Variants in IFT122 observed in about 807,000 individuals in gnomAD.
IFT122 encodes intraflagellar transport protein 122 homolog.
IFT122 carries 118 observed loss-of-function variants against 161.6 expected under a neutral mutation model. The ratio of observed to expected loss-of-function variants is 0.73; its 90% confidence interval spans 0.63 to 0.85. IFT122 has a LOEUF of 0.85. Among genes scored for constraint, IFT122 ranks in the 40% least tolerant of loss-of-function variants. IFT122 has a pLI of 0.00. For missense variants in IFT122, 1,381 were observed against 1,579.6 expected (o/e 0.87, Z 2.13); for synonymous variants, 550 against 602.4 (o/e 0.91, Z 1.27).
At chr3:129,510,670 GGCTC>G (rs2082723130) in intron 23 of IFT122, among the ~76,000 whole-genome samples, 1 of 152,154 alleles carries the variant, frequency 6.6e-6, no homozygotes, top group African/African-American at 2.4e-5. Flanking sequence ...TGGGGCTGAG[GGCTC>G]CTGTCTCTAA....
intron 18 of IFT122, among the ~76,000 whole-genome samples, chr3:129,498,402 C>G (rs1280751223): frequency 6.6e-6 from 1 of 152,226 alleles, no homozygotes; most frequent in African/African-American, 2.4e-5. Context: ...CATAGAGAAT[C>G]CGCGCCATAG....
At chr3:129,516,182 CAG>C (rs1279511729) in intron 26 of IFT122, among the ~76,000 whole-genome samples, 1 of 132,202 alleles carries the variant, frequency 7.6e-6, no homozygotes, top group African/African-American at 3.0e-5. Flanking sequence ...CACACACACA[CAG>C]AAACCGCCCC....
At position 129,478,076 on chromosome 3, in the gene IFT122, T is replaced by C. The variant is rs1281261819; in HGVS notation, c.1208T>C (p.Ile403Thr). The change falls in exon 12 of 30, where the codon ATC becomes ACC. Residue 403 changes from isoleucine (I) to threonine (T), a missense_variant. By Grantham distance (89) the Ile-to-Thr change is moderately conservative. Coordinates refer to ENST00000348417, the MANE Select transcript of IFT122 (RefSeq NM_052989.3). ...KIAIYRNRLA[I>T]QLPEKILIYE... ...GCCATCTACAGAAATCGATTGGCTA[T>C]CCAACTGCCAGAGAAAATCCTCATC... 1 of 1,614,120 alleles carries C rather than the reference T, an allele frequency of 6.2e-7. No homozygotes were observed. The highest frequency in any genetic ancestry group is 8.5e-7 in the Non-Finnish European group (1 of 1,180,030).
intron 18 of IFT122, among the ~76,000 whole-genome samples, chr3:129,497,100 G>T (rs1235620406): frequency 6.6e-6 from 1 of 152,128 alleles, no homozygotes; most frequent in Non-Finnish European, 1.5e-5. Context: ...GGGCAATATG[G>T]TGAAACCCTC....
chr3:129,516,002 GCACACACAGACTGCCCCTGCACACA>G (rs2083449129), intron 26 of IFT122, among the ~76,000 whole-genome samples: 1 of 149,052 alleles, frequency 6.7e-6, no homozygotes, highest in Admixed American at 6.7e-5. Context: ...AGACACACAC[GCACACACAGACTGCCCCTGCACACA>G]CACACATACA....
intron 6 of IFT122, 63 bp from the exon 7 acceptor site, chr3:129,464,572 C>T (rs1434441342): frequency 6.2e-7 from 1 of 1,601,000 alleles, no homozygotes; most frequent in Non-Finnish European, 8.6e-7. Context: ...ATCATCCTCA[C>T]TAGTTTTACC....
At chr3:129,486,347 C>T (rs559303154) in intron 15 of IFT122, among the ~76,000 whole-genome samples, 1 of 152,328 alleles carries the variant, frequency 6.6e-6, no homozygotes, top group Non-Finnish European at 1.5e-5. Flanking sequence ...TTTGGGGCCT[C>T]ATTTCTTTTC....
chr3:129,487,123 A>G (rs1190829823), intron 15 of IFT122, among the ~76,000 whole-genome samples: 5 of 152,230 alleles, frequency 3.3e-5, no homozygotes, highest in Non-Finnish European at 5.9e-5. Flanking sequence ...ACATTTGGGA[A>G]CCATTAGCAC....
chr3:129,456,597 A>G (rs1276649083), intron 3 of IFT122, among the ~76,000 whole-genome samples: 1 of 151,932 alleles, frequency 6.6e-6, no homozygotes, highest in African/African-American at 2.4e-5. Context: ...AGATTATGCC[A>G]CTGCTCTCTG....
intron 7 of IFT122, 76 bp downstream of exon 7, chr3:129,464,857 T>C: frequency 6.6e-7 from 1 of 1,513,636 alleles, no homozygotes. Context: ...GAGGTCTCCC[T>C]ACATTCAAAG....
intron 3 of IFT122, among the ~76,000 whole-genome samples, chr3:129,453,014 GC>G (rs113605095): frequency 0.13 from 20,337 of 151,662 alleles, 1,752 homozygotes; most frequent in South Asian, 0.24. Flanking sequence ...GGTTGGAGTT[GC>G]CCCCCCCACT....
intron 19 of IFT122, 102 bp from the exon 20 acceptor site, chr3:129,502,609 A>AAT (rs1451007729): frequency 8.5e-5 from 114 of 1,334,286 alleles, no homozygotes; most frequent in Middle Eastern, 1.8e-4. Flanking sequence ...CCCATGGGCC[A>AAT]TGGCATAGTA....
chr3:129,496,313 A>G (rs890785569), intron 18 of IFT122, among the ~76,000 whole-genome samples: 6 of 152,098 alleles, frequency 3.9e-5, no homozygotes, highest in Non-Finnish European at 8.8e-5. Context: ...AGTTGCACTA[A>G]GGAGCCCAGA....
In IFT122 at chr3:129,451,899, T is replaced by C. The variant is rs114298924; in HGVS notation, c.109-15T>C. On this transcript the variant is annotated splice_polypyrimidine_tract_variant and intron_variant, in intron 2 of 29. Coordinates refer to ENST00000348417, the MANE Select transcript of IFT122 (RefSeq NM_052989.3). Reference sequence around the variant, plus strand: ...AGATATCACATAGATAATCTGTATTTGTCTCTTTTGCCAGGTTTATGACAC... The same window carrying C: ...AGATATCACATAGATAATCTGTATTCGTCTCTTTTGCCAGGTTTATGACAC... 0.029 allele frequency: 46,451 copies of C among 1,603,480 alleles called. 803 individuals carry two copies. Among genetic ancestry groups the C allele is most frequent in the Non-Finnish European group, 0.034 (39,934 of 1,170,346 alleles).
At chr3:129,515,131 A>G (rs886809698) in intron 25 of IFT122, 1 of 424,888 alleles carries the variant, frequency 2.4e-6, no homozygotes, top group African/African-American at 2.0e-5. Context: ...GGTAGTTGTG[A>G]GGCTAAATGA....
chr3:129,483,500 A>G lies in IFT122; in HGVS notation c.1669A>G (p.Ser557Gly), dbSNP rs2078916198. Residue 557 changes from serine (S) to glycine (G), a missense_variant, in exon 15 of 30, where the codon AGT becomes GGT. By Grantham distance (56) the Ser-to-Gly change is moderately conservative (BLOSUM62 0). Coordinates refer to ENST00000348417, the MANE Select transcript of IFT122 (RefSeq NM_052989.3). ...ELLFQEPNAN[S>G]VAWNTQCEDM... ...TGTTCCCCAGGAACCAAACGCCAAC[A>G]GTGTAGCTTGGAACACCCAGTGTGA... The G allele has an allele frequency of 6.2e-7, 1 of 1,613,804 alleles. No individual in the cohort carries two copies. The highest frequency in any genetic ancestry group is 1.1e-5 in the South Asian group (1 of 91,046).
In IFT122 at chr3:129,520,215, C is replaced by G. The variant is rs573382215; in HGVS notation, c.3676C>G (p.His1226Asp). 7 of 1,612,170 alleles carry G rather than the reference C, an allele frequency of 4.3e-6. No individual in the cohort carries two copies. In the South Asian group the frequency reaches 5.5e-5, roughly 13 times the overall value. ...GGACTATGAGTTGCTGGTGCTTCAG[C>G]ATGGCTGCTGCCCCTACTGCCGCAG... Reference protein sequence around the residue: ...SEDYELLVLQHGCCPYCRRCK... With the variant: ...SEDYELLVLQDGCCPYCRRCK... The change falls in exon 30 of 30, where the codon CAT (histidine) becomes GAT (aspartate). Residue 1226 changes from histidine to aspartate, a missense_variant. Around this residue, in one of 7 missense-constraint regions of IFT122, gnomAD observed 177 missense variants for 199.2 expected, o/e 0.89. Transcript: ENST00000348417.
At chr3:129,484,463 TAGG>T (rs1274843007) in intron 15 of IFT122, among the ~76,000 whole-genome samples, 2 of 152,334 alleles carry the variant, frequency 1.3e-5, no homozygotes, top group East Asian at 1.9e-4. Context: ...AATATACAAT[TAGG>T]AGCATGTGGT....
intron 23 of IFT122, among the ~76,000 whole-genome samples, chr3:129,509,498 G>A (rs1456944652): frequency 6.6e-6 from 1 of 152,180 alleles, no homozygotes; most frequent in Non-Finnish European, 1.5e-5. Context: ...CGTTGTCGAT[G>A]TTACGAGTTG....
Sources: gnomAD v4.1 joint callset for allele counts (sites outside exome capture counted in the v4.1 genomes callset) on GRCh38, gnomAD v4.1.1 for gene constraint, gnomAD v4.1.1 regional missense constraint, MANE v1.5 for transcripts, NCBI Gene and HGNC (gene_info 2026-07-23, HGNC 2026-07-21) for gene names.